The following CA10 variants were observed in gnomAD, a reference collection of about 807,000 sequenced individuals.
CA10 encodes carbonic anhydrase-related protein 10.
CA10 carries 14 observed loss-of-function variants against 44.2 expected under a neutral mutation model. That is an observed-to-expected ratio of 0.32 (90% CI 0.21 to 0.50). The LOEUF (loss-of-function observed/expected upper bound fraction) is 0.50, where lower values mean the gene tolerates loss of function less well. CA10 is among the 20% of genes least tolerant of loss of function. The pLI is 0.99. For synonymous variants in CA10, 159 were observed against 141.6 expected, an observed-to-expected ratio of 1.12 and a Z score of -0.87; for missense variants, 350 against 409.7, an observed-to-expected ratio of 0.85 and a Z score of 1.26.
chr17:51,893,432 G>T (rs1197366944), intron 3 of CA10, among the ~76,000 whole-genome samples: 1 of 152,108 alleles, frequency 6.6e-6, no homozygotes, highest in East Asian at 1.9e-4. Context: ...ATACAAGAGG[G>T]ATTTTGTCTC....
chr17:51,916,861 G>A (rs114630395), intron 3 of CA10, among the ~76,000 whole-genome samples: 141 of 152,208 alleles, frequency 9.3e-4, no homozygotes, highest in African/African-American at 3.3e-3. Flanking sequence ...AGGCAGTTCC[G>A]TTGGAATCAT....
intron 3 of CA10, among the ~76,000 whole-genome samples, chr17:51,914,983 C>T (rs2109452): frequency 0.057 from 8,644 of 152,074 alleles, 770 homozygotes; most frequent in African/African-American, 0.19. Context: ...GTTCCTTTCC[C>T]TTTTTTCATC....
chr17:51,919,057 G>T (rs183938868), intron 3 of CA10, among the ~76,000 whole-genome samples: 1 of 151,872 alleles, frequency 6.6e-6, no homozygotes, highest in African/African-American at 2.4e-5. Context: ...GTTTTAATTT[G>T]GTTCTTTTGT....
intron 1 of CA10, among the ~76,000 whole-genome samples, chr17:52,140,086 T>C (rs1446503656): frequency 6.6e-6 from 1 of 152,122 alleles, no homozygotes. Flanking sequence ...TGCACAAGGA[T>C]TGGAGAGGGA....
At chr17:52,005,834 G>A (rs1200930623) in intron 2 of CA10, among the ~76,000 whole-genome samples, 1 of 151,756 alleles carries the variant, frequency 6.6e-6, no homozygotes, top group Non-Finnish European at 1.5e-5. Context: ...GAGAATGGTG[G>A]GCCATAAACC....
chr17:51,683,562 T>C (rs1914915184), intron 4 of CA10, among the ~76,000 whole-genome samples: 1 of 152,210 alleles, frequency 6.6e-6, no homozygotes, highest in Non-Finnish European at 1.5e-5. Context: ...CAATTATCTG[T>C]GTAACCAGTT....
chr17:51,798,911 T>C (rs1344336752), intron 3 of CA10, among the ~76,000 whole-genome samples: 1 of 152,234 alleles, frequency 6.6e-6, no homozygotes, highest in East Asian at 1.9e-4. Context: ...ACATTTTTAA[T>C]GGCTCCAGGA....
chr17:52,057,439 TTTA>T (rs1987260003), intron 2 of CA10, among the ~76,000 whole-genome samples: 1 of 130,332 alleles, frequency 7.7e-6, no homozygotes, highest in Non-Finnish European at 1.7e-5. Flanking sequence ...TTAATAACAT[TTTA>T]TTTTCTCTAG....
chr17:51,774,920 G>A (rs1905759031), intron 3 of CA10, among the ~76,000 whole-genome samples: 1 of 152,118 alleles, frequency 6.6e-6, no homozygotes, highest in South Asian at 2.1e-4. Context: ...ATTTCTCCAA[G>A]CACTTATAAG....
intron 4 of CA10, among the ~76,000 whole-genome samples, chr17:51,701,806 C>G (rs1004631707): frequency 5.3e-5 from 8 of 152,160 alleles, no homozygotes; most frequent in African/African-American, 1.7e-4. Flanking sequence ...ATTCCATTTA[C>G]CTAGAGGCTG....
chr17:51,852,634 G>C (rs536882207), intron 3 of CA10, among the ~76,000 whole-genome samples: 1 of 152,256 alleles, frequency 6.6e-6, no homozygotes, highest in African/African-American at 2.4e-5. Context: ...TTGGGCTGTG[G>C]AATCAGAAGG....
intron 3 of CA10, among the ~76,000 whole-genome samples, chr17:51,793,705 C>A (rs1284768201): frequency 2.6e-5 from 4 of 152,200 alleles, no homozygotes; most frequent in Non-Finnish European, 5.9e-5. Context: ...AGTATAGAGA[C>A]CCACATGGTA....
intron 1 of CA10, among the ~76,000 whole-genome samples, chr17:52,120,207 C>T (rs2143312974): frequency 6.6e-6 from 1 of 152,272 alleles, no homozygotes; most frequent in South Asian, 2.1e-4. Flanking sequence ...CATTTTGATA[C>T]ATGTTTTCCA....
At chr17:51,858,226 T>C (rs1201541614) in intron 3 of CA10, among the ~76,000 whole-genome samples, 7 of 152,158 alleles carry the variant, frequency 4.6e-5, no homozygotes, top group Admixed American at 6.5e-5. Flanking sequence ...GAAAACCATA[T>C]GTTCCACTTT....
chr17:52,121,258 T>C (rs1936362429), intron 1 of CA10, among the ~76,000 whole-genome samples: 1 of 152,160 alleles, frequency 6.6e-6, no homozygotes, highest in Non-Finnish European at 1.5e-5. Context: ...GGATTCACCT[T>C]CTCTGCCTCA....
intron 2 of CA10, among the ~76,000 whole-genome samples, chr17:51,983,642 T>C (rs974238236): frequency 4.0e-5 from 6 of 151,724 alleles, no homozygotes; most frequent in African/African-American, 1.4e-4. Context: ...TAAAGTCATA[T>C]ACAAAAGCAA....
chr17:51,768,586 T>C (rs918766555), intron 3 of CA10, among the ~76,000 whole-genome samples: 1 of 152,194 alleles, frequency 6.6e-6, no homozygotes, highest in Non-Finnish European at 1.5e-5. Flanking sequence ...TCTGCTTACA[T>C]GGGGAGAGAC....
intron 4 of CA10, among the ~76,000 whole-genome samples, chr17:51,663,828 G>C (rs1036787814): frequency 1.3e-5 from 2 of 152,136 alleles, no homozygotes; most frequent in African/African-American, 4.8e-5. Flanking sequence ...TTCACACTTT[G>C]GGACTGTATT....
At chr17:52,110,854 T>G (rs955157866) in intron 1 of CA10, among the ~76,000 whole-genome samples, 1 of 152,090 alleles carries the variant, frequency 6.6e-6, no homozygotes, top group African/African-American at 2.4e-5. Flanking sequence ...CAAGGACAGT[T>G]CCACGAAGAA....
Sources: allele counts gnomAD v4.1 joint callset (sites outside exome capture counted in the v4.1 genomes callset), GRCh38; gene constraint gnomAD v4.1.1; transcripts MANE v1.5; gene names NCBI Gene and HGNC (gene_info 2026-07-23, HGNC 2026-07-21).